The following TCP10L variants were observed in gnomAD, a reference collection of about 807,000 sequenced individuals.
TCP10L encodes t-complex 10 like.
TCP10L carries 11 observed loss-of-function variants against 19.2 expected under a neutral mutation model. The ratio of observed to expected loss-of-function variants is 0.57; its 90% CI spans 0.36 to 0.95. The LOEUF is 0.95. Ranked by LOEUF, TCP10L falls within the 40% of genes least tolerant of loss-of-function variation. The pLI is 0.01. For missense variants in TCP10L, 247 were observed against 263.9 expected, an observed-to-expected ratio of 0.94 and a Z score of 0.44; for synonymous variants, 96 against 97.2, an observed-to-expected ratio of 0.99 and a Z score of 0.07.
rs2833908 is a variant in TCP10L at position 32,576,063 on chromosome 21, G to C, written c.*711C>G. The C allele has an allele frequency of 0.082, 38,483 of 471,724 alleles. 1,847 individuals carry two copies. The highest frequency in any genetic ancestry group is 0.097 in the Non-Finnish European group (25,677 of 263,474). The allele number at this position is 471,724 out of a possible 1,614,324, so 29.2% of individuals were successfully genotyped here. A position where few individuals can be genotyped will look rare whatever the true frequency, so the allele number is the denominator to read the frequency against. On this transcript the variant is annotated 3_prime_UTR_variant, in exon 5 of 5. Coordinates refer to ENST00000300258, the MANE Select transcript of TCP10L (RefSeq NM_144659.7). The stretch of plus-strand genomic sequence containing the variant: ...CAAGTCTCACAGGTGAGGACCCAAC[G>C]AGGGAATCAGACAAAAAGTGGCCAC...
chr21:32,582,425 G>A lies in TCP10L; in HGVS notation c.145-10C>T. On this transcript the variant is annotated splice_polypyrimidine_tract_variant and intron_variant, in intron 2 of 4. Coordinates refer to ENST00000300258, the MANE Select transcript of TCP10L (RefSeq NM_144659.7). This position sits in a 1 kb window ranked among gnomAD's most constrained non-coding sequence, Gnocchi z 4.2. Reference sequence around the variant, plus strand: ...TCTGCTGCTGTAATGGCTGTTATTGGGAAGAGAACACCAGAAAAACCTCTC... The same window carrying A: ...TCTGCTGCTGTAATGGCTGTTATTGAGAAGAGAACACCAGAAAAACCTCTC... 6.2e-7 allele frequency: 1 copy of A among 1,605,086 alleles called. No homozygotes were observed. Among genetic ancestry groups the A allele is most frequent in the Non-Finnish European group, 8.5e-7 (1 of 1,177,226 alleles).
chr21:32,584,640 G>GTGAGTGGGATGTGAGTGGGTTT (rs1485573596), intron 1 of TCP10L, among the ~76,000 whole-genome samples: 9 of 152,132 alleles, frequency 5.9e-5, no homozygotes, highest in African/African-American at 1.9e-4. Context: ...TGAGTGGGTT[G>GTGAGTGGGATGTGAGTGGGTTT]TGAGCAGGAT....
In TCP10L at chr21:32,574,622, T is replaced by A. The variant is rs2038411457; in HGVS notation, c.*2152A>T. The stretch of plus-strand genomic sequence containing the variant: ...GGAAGAAGCAGTGAACTCATCAGGT[T>A]GAACGTGGCTGAGAAATCCACCTTC... On this transcript the variant is annotated 3_prime_UTR_variant, in exon 5 of 5. Coordinates refer to ENST00000300258, the MANE Select transcript of TCP10L (RefSeq NM_144659.7). The A allele has an allele frequency of 5.4e-6, 1 of 184,286 alleles. No homozygotes were observed. The highest frequency in any genetic ancestry group is 1.3e-5 in the Non-Finnish European group (1 of 75,486). The allele number at this position is 184,286 out of a possible 1,614,324, so 11.4% of individuals were successfully genotyped here.
At chr21:32,579,578 C>T (rs2038469827) in intron 3 of TCP10L, among the ~76,000 whole-genome samples, 3 of 152,320 alleles carry the variant, frequency 2.0e-5, no homozygotes, top group African/African-American at 7.2e-5. Flanking sequence ...TGTGAGCGTA[C>T]ATCCTGTTCT....
rs2038416618 is a variant in TCP10L, at chr21:32,575,152, G to A, written c.*1622C>T. On this transcript the variant is annotated 3_prime_UTR_variant, in exon 5 of 5. Transcript: ENST00000300258. Reference sequence around the variant, plus strand: ...ATGCCTGGAGGTTGCGGAGATACTAGCAGGTGTGTGTGAGAGGCAAGGTCC... The same window carrying A: ...ATGCCTGGAGGTTGCGGAGATACTAACAGGTGTGTGTGAGAGGCAAGGTCC... 6.6e-6 allele frequency: 1 copy of A among 152,420 alleles called. No homozygotes were observed. The highest frequency in any genetic ancestry group is 6.5e-5 in the Admixed American group (1 of 15,276). 9.4% of individuals were successfully genotyped at this position (152,420 alleles called of 1,614,324 possible).
chr21:32,575,711 C>G lies in TCP10L; in HGVS notation c.*1063G>C, dbSNP rs2038424436. 1 of 153,122 alleles carries G rather than the reference C, an allele frequency of 6.5e-6. No individual in the cohort carries two copies. Among genetic ancestry groups the G allele is most frequent in the Non-Finnish European group, 1.5e-5 (1 of 68,398 alleles). 9.5% of individuals were successfully genotyped at this position (153,122 alleles called of 1,614,324 possible). On this transcript the variant is annotated 3_prime_UTR_variant, in exon 5 of 5. Transcript: ENST00000300258. ...CAGCGACGTGAAGATAGAATTCTTT[C>G]CTGACTCAACCAGGGGCACTCTCGT... is the stretch of plus-strand genomic sequence containing the variant.
In TCP10L at chr21:32,582,297, T is replaced by C. The variant is rs547451224; in HGVS notation, c.263A>G (p.Glu88Gly). Residue 88 changes from glutamate to glycine, a missense_variant, in exon 3 of 5, where the codon GAG becomes GGG. By Grantham distance (98) the Glu-to-Gly change is moderately conservative (BLOSUM62 -2). Transcript: ENST00000300258. This position sits in a 1 kb window ranked among gnomAD's most constrained non-coding sequence, Gnocchi z 4.2. ...HIDALREQNM[E>G]LREKLRALQL... is the part of the protein sequence containing the mutation. ...CAGAGCTCTCAGCTTTTCTCGGAGC[T>C]CCATGTTCTGCTCCCTCAAAGCATC... 3 of 1,614,156 alleles carry C rather than the reference T, an allele frequency of 1.9e-6. No individual in the cohort carries two copies. In the East Asian group the frequency reaches 6.7e-5, roughly 36 times the overall value.
At position 32,584,245 on chromosome 21, in the gene TCP10L, C is replaced by CG; in HGVS notation, c.59dup (p.Cys21ValfsTer50). 1 of 1,614,106 alleles carries CG rather than the reference C, an allele frequency of 6.2e-7. No homozygotes were observed. The highest frequency in any genetic ancestry group is 1.7e-5 in the Admixed American group (1 of 60,012). On this transcript the variant is annotated frameshift_variant, in exon 2 of 5. Transcript: ENST00000300258. LOFTEE classifies it high-confidence loss of function. Reference sequence around the variant, plus strand: ...CCATGACAGCCCCAGCTCCTGGGCACGGGTCCTCTGGGTGGGTGCCCTCTT... The same window carrying CG: ...CCATGACAGCCCCAGCTCCTGGGCACGGGGTCCTCTGGGTGGGTGCCCTCTT...
chr21:32,574,913 A>G lies in TCP10L; in HGVS notation c.*1861T>C, dbSNP rs562872659. On this transcript the variant is annotated 3_prime_UTR_variant, in exon 5 of 5. Transcript: ENST00000300258. ...TCTCTTTCGAGTATTCTGATGGATC[A>G]GGAGATTCACGGATGGAAAGGCACT... 6.6e-6 allele frequency: 1 copy of G among 152,468 alleles called. No homozygotes were observed. Among genetic ancestry groups the G allele is most frequent in the East Asian group, 1.9e-4 (1 of 5,188 alleles). The allele number at this position is 152,468 out of a possible 1,614,324, so 9.4% of individuals were successfully genotyped here.
In TCP10L at chr21:32,582,574, C is replaced by CT. The variant is rs1568981447; in HGVS notation, c.145-160dup. On this transcript the variant is annotated intron_variant, in intron 2 of 4. Coordinates refer to ENST00000300258, the MANE Select transcript of TCP10L (RefSeq NM_144659.7). The surrounding 1 kb of genome is among the most constrained non-coding windows in gnomAD (Gnocchi z 4.2). ...CAGGACTACCACAGCCTTTTTCTTT[C>CT]TTCTTTCTTTCCTTTCTTTCTTTCT... 6.6e-6 allele frequency: 4 copies of CT among 602,862 alleles called. No homozygotes were observed. The African/African-American group carries it at 8.7e-5, about 13-fold the overall frequency. The allele number at this position is 602,862 out of a possible 1,614,324, so 37.3% of individuals were successfully genotyped here. A position where few individuals can be genotyped will look rare whatever the true frequency, so the allele number is the denominator to read the frequency against.
At chr21:32,579,517 A>T (rs2038469231) in intron 3 of TCP10L, among the ~76,000 whole-genome samples, 1 of 152,156 alleles carries the variant, frequency 6.6e-6, no homozygotes, top group African/African-American at 2.4e-5. Context: ...CGCATATTTA[A>T]AGTGTGGGAT....
rs535715414 is a variant in TCP10L at position 32,580,066 on chromosome 21, G to A, written c.361-1235C>T. On this transcript the variant is annotated intron_variant, in intron 3 of 4. Coordinates refer to ENST00000300258, the MANE Select transcript of TCP10L (RefSeq NM_144659.7). Reference sequence around the variant, plus strand: ...GTGGGAATAACTTCCAAGATTTCCCGTAATTTCTTGTAGAGGAACTTGTGG... The same window carrying A: ...GTGGGAATAACTTCCAAGATTTCCCATAATTTCTTGTAGAGGAACTTGTGG... 1.1e-4 allele frequency among the ~76,000 whole-genome samples: 17 copies of A among 152,270 alleles called. No homozygotes were observed. In the East Asian group the frequency reaches 3.1e-3, roughly 28 times the overall value.
Position 32,576,382 on chromosome 21 carries a change from C to T in TCP10L, c.*392G>A, listed in dbSNP as rs1234831846. The T allele has an allele frequency of 6.1e-6, 7 of 1,156,166 alleles. No individual in the cohort carries two copies. Among genetic ancestry groups the T allele is most frequent in the Non-Finnish European group, 8.6e-6 (7 of 817,038 alleles). 71.6% of individuals were successfully genotyped at this position (1,156,166 alleles called of 1,614,324 possible). A position where few individuals can be genotyped will look rare whatever the true frequency, so the allele number is the denominator to read the frequency against. ...ACAAGGTCCCTGGAGCGGGCAATGCCTTGAGCCCAAAGGCTGGGAGCACAA... is the reference window on the plus strand; with the variant it reads ...ACAAGGTCCCTGGAGCGGGCAATGCTTTGAGCCCAAAGGCTGGGAGCACAA... On this transcript the variant is annotated 3_prime_UTR_variant, in exon 5 of 5. Transcript: ENST00000300258.
Position 32,576,175 on chromosome 21 carries a change from G to A in TCP10L, c.*599C>T, listed in dbSNP as rs543994956. The stretch of plus-strand genomic sequence containing the variant: ...TCCACGAGAAAGCCCCGCATTTCAC[G>A]GGGAGCATAGAAACAGGAGTCCCCA... On this transcript the variant is annotated 3_prime_UTR_variant, in exon 5 of 5. Coordinates refer to ENST00000300258, the MANE Select transcript of TCP10L (RefSeq NM_144659.7). 1.8e-5 allele frequency: 21 copies of A among 1,183,486 alleles called. No homozygotes were observed. In the East Asian group the frequency reaches 3.1e-4, roughly 17 times the overall value. The allele number at this position is 1,183,486 out of a possible 1,614,324, so 73.3% of individuals were successfully genotyped here. A position where few individuals can be genotyped will look rare whatever the true frequency, so the allele number is the denominator to read the frequency against.
chr21:32,574,291 A>G lies in TCP10L; in HGVS notation c.*2483T>C, dbSNP rs2038407025. Among the ~76,000 whole-genome samples the G allele has an allele frequency of 6.6e-6, 1 of 152,200 alleles. No homozygotes were observed. Among genetic ancestry groups the G allele is most frequent in the Non-Finnish European group, 1.5e-5 (1 of 68,028 alleles). ...CAAAATGATAAAAAATGAAACTTTG[A>G]CTTGGGAAACTCTTAAGCCATGAAA... On this transcript the variant is annotated 3_prime_UTR_variant, in exon 5 of 5. Coordinates refer to ENST00000300258, the MANE Select transcript of TCP10L (RefSeq NM_144659.7).
chr21:32,578,953 T>C lies in TCP10L; in HGVS notation c.361-122A>G. ...AAATAGGGTACAAGGTAGGGGGACT[T>C]GGACTGGGTTTTCCCCCTAATATGT... On this transcript the variant is annotated intron_variant, in intron 3 of 4. Transcript: ENST00000300258. This position sits in a 1 kb window ranked among gnomAD's most constrained non-coding sequence, Gnocchi z 4.2. 6.8e-7 allele frequency: 1 copy of C among 1,480,390 alleles called. No homozygotes were observed. Among genetic ancestry groups the C allele is most frequent in the Non-Finnish European group, 9.1e-7 (1 of 1,102,846 alleles). 91.7% of individuals were successfully genotyped at this position (1,480,390 alleles called of 1,614,324 possible).
rs1448722556 is a variant in TCP10L at position 32,582,229 on chromosome 21, G to A, written c.331C>T (p.Pro111Ser). ...GTGTGCGATTCTTGCCCCGCGTGTGGGGACGCTGCAGATTTCTTCCTGGCT... is the reference window on the plus strand; with the variant it reads ...GTGTGCGATTCTTGCCCCGCGTGTGAGGACGCTGCAGATTTCTTCCTGGCT... Reference protein sequence around the residue: ...WKARKKSAASPHAGQESHTLA... With the variant: ...WKARKKSAASSHAGQESHTLA... Residue 111 changes from proline (P) to serine (S), a missense_variant, in exon 3 of 5, where the codon CCA becomes TCA. By Grantham distance (74) the Pro-to-Ser change is moderately conservative. Coordinates refer to ENST00000300258, the MANE Select transcript of TCP10L (RefSeq NM_144659.7). This position sits in a 1 kb window ranked among gnomAD's most constrained non-coding sequence, Gnocchi z 4.2. 1 of 1,614,062 alleles carries A rather than the reference G, an allele frequency of 6.2e-7. No individual in the cohort carries two copies. The highest frequency in any genetic ancestry group is 8.5e-7 in the Non-Finnish European group (1 of 1,180,038).
intron 3 of TCP10L, among the ~76,000 whole-genome samples, chr21:32,580,889 G>A (rs188237510): frequency 2.6e-5 from 4 of 152,186 alleles, no homozygotes; most frequent in Admixed American, 6.5e-5. Context: ...CTGGTTCTTC[G>A]TTCGGGATAG....
At chr21:32,577,647 C>G (rs1186206274) in intron 4 of TCP10L, 1 of 152,206 alleles carries the variant, frequency 6.6e-6, no homozygotes, top group Non-Finnish European at 1.5e-5. Context: ...GGAAGAGACA[C>G]ACTGGCTGGG....
Sources: gnomAD v4.1 joint callset for allele counts (sites outside exome capture counted in the v4.1 genomes callset) on GRCh38, gnomAD v4.1.1 for gene constraint, Gnocchi (gnomAD v3.1) non-coding constraint, MANE v1.5 for transcripts, NCBI Gene and HGNC (gene_info 2026-07-23, HGNC 2026-07-21) for gene names.